PLXDC2: variants seen among roughly 807,000 people sequenced by gnomAD.
The protein encoded by PLXDC2 is plexin domain containing 2.
Under a neutral mutation model 68.9 loss-of-function variants are expected in PLXDC2, and 40 were observed. The observed-to-expected ratio is 0.58, with a 90% confidence interval of 0.45 to 0.76. The LOEUF is 0.76. Ranked by LOEUF, PLXDC2 falls within the 30% of genes least tolerant of loss-of-function variation. The pLI is 0.00. For synonymous variants in PLXDC2, 243 were observed against 234.2 expected (o/e 1.04, Z -0.34); for missense variants, 644 against 661.9 (o/e 0.97, Z 0.30).
Position 19,837,385 on chromosome 10 carries a change from T to TGAGA in PLXDC2, c.112+20216_112+20219dup, listed in dbSNP as rs149222127. On this transcript the variant is annotated intron_variant, in intron 1 of 13. Coordinates refer to ENST00000377252, the MANE Select transcript of PLXDC2 (RefSeq NM_032812.9). The stretch of plus-strand genomic sequence containing the variant: ...TTGCTCTGTTTTCTCATTGAGTAAG[T>TGAGA]GAGAGAGAGAGAGAGAGAGAGAGAG... Among the ~76,000 whole-genome samples, 275 of 139,270 alleles carry TGAGA rather than the reference T, an allele frequency of 2.0e-3. 6 individuals are homozygous for TGAGA. In the East Asian group the frequency reaches 0.039, roughly 20 times the overall value. 91.4% of individuals were successfully genotyped at this position (139,270 alleles called of 152,430 possible). A position where few individuals can be genotyped will look rare whatever the true frequency, so the allele number is the denominator to read the frequency against.
Position 20,287,979 on chromosome 10 carries a change from C to CCGG in PLXDC2, c.*8160_*8161insCGG, listed in dbSNP as rs1554781439. On this transcript the variant is annotated 3_prime_UTR_variant, in exon 14 of 14. Transcript: ENST00000377252. ...AGAAGAAATTGGGCACTTCTTGCGG[C>CCGG]GGGGGAGGGGGGGGGGGCGGTGGCT... is the stretch of plus-strand genomic sequence containing the variant. The CCGG allele has an allele frequency of 3.2e-4, 4 of 12,406 alleles. No individual in the cohort carries two copies. The highest frequency in any genetic ancestry group is 9.9e-4 in the African/African-American group (3 of 3,018). 0.8% of individuals were successfully genotyped at this position (12,406 alleles called of 1,614,324 possible).
chr10:19,940,412 A>G (rs1254537746), intron 1 of PLXDC2, among the ~76,000 whole-genome samples: 1 of 152,182 alleles, frequency 6.6e-6, no homozygotes, highest in Non-Finnish European at 1.5e-5. Flanking sequence ...ATTTGGCTAC[A>G]ATTAATTGAA....
At chr10:19,879,550 T>C (rs1425304296) in intron 1 of PLXDC2, among the ~76,000 whole-genome samples, 1 of 152,202 alleles carries the variant, frequency 6.6e-6, no homozygotes, top group African/African-American at 2.4e-5. Flanking sequence ...TGTTTAGTGA[T>C]TTATATATTA....
intron 2 of PLXDC2, among the ~76,000 whole-genome samples, chr10:20,029,201 T>A (rs540077264): frequency 1.3e-4 from 20 of 152,324 alleles, no homozygotes; most frequent in African/African-American, 4.6e-4. Context: ...GCTTATAGAC[T>A]GAGTCTTGTC....
intron 12 of PLXDC2, among the ~76,000 whole-genome samples, chr10:20,221,834 C>T (rs1473259456): frequency 6.6e-6 from 1 of 152,148 alleles, no homozygotes; most frequent in Non-Finnish European, 1.5e-5. Context: ...TTTTTAAAAA[C>T]ATGCAAGCTA....
intron 12 of PLXDC2, among the ~76,000 whole-genome samples, chr10:20,238,166 A>G (rs1835459005): frequency 6.7e-6 from 1 of 149,792 alleles, no homozygotes; most frequent in Non-Finnish European, 1.5e-5. Context: ...ATATGTATAT[A>G]CATATATATA....
At chr10:19,967,026 T>C (rs1414023906) in intron 1 of PLXDC2, among the ~76,000 whole-genome samples, 1 of 152,194 alleles carries the variant, frequency 6.6e-6, no homozygotes, top group Non-Finnish European at 1.5e-5. Context: ...GGCAACCTCA[T>C]GGCGAGACTT....
intron 9 of PLXDC2, among the ~76,000 whole-genome samples, chr10:20,200,972 A>G (rs1834909468): frequency 6.6e-6 from 1 of 152,082 alleles, no homozygotes; most frequent in African/African-American, 2.4e-5. Flanking sequence ...AACAGTATGG[A>G]AGTTCCTCAA....
intron 3 of PLXDC2, among the ~76,000 whole-genome samples, chr10:20,049,412 G>A (rs185830947): frequency 2.6e-5 from 4 of 152,206 alleles, no homozygotes; most frequent in African/African-American, 9.6e-5. Context: ...TAGAGAGGAA[G>A]TAAAACTATC....
chr10:20,243,544 G>A (rs1217019017), intron 12 of PLXDC2, among the ~76,000 whole-genome samples: 1 of 152,106 alleles, frequency 6.6e-6, no homozygotes, highest in Non-Finnish European at 1.5e-5. Flanking sequence ...AAACGTAGAG[G>A]GGAGGTGGAA....
chr10:20,129,326 C>T (rs910941366), intron 4 of PLXDC2, among the ~76,000 whole-genome samples: 3 of 151,918 alleles, frequency 2.0e-5, no homozygotes, highest in African/African-American at 7.2e-5. Flanking sequence ...AATTGGGTTG[C>T]TTTCTTGCTA....
chr10:19,934,558 G>C (rs1364786511), intron 1 of PLXDC2, among the ~76,000 whole-genome samples: 1 of 152,182 alleles, frequency 6.6e-6, no homozygotes, highest in African/African-American at 2.4e-5. Flanking sequence ...GGTAAGTCTT[G>C]TTAATAGTCT....
rs1350406806 is a variant in PLXDC2, at chr10:20,044,208, T to C, written c.325-2661T>C. Among the ~76,000 whole-genome samples, 189 of 94,966 alleles carry C rather than the reference T, an allele frequency of 2.0e-3. 6 individuals are homozygous for C. Among genetic ancestry groups the C allele is most frequent in the African/African-American group, 8.3e-3 (170 of 20,572 alleles). 62.3% of individuals were successfully genotyped at this position (94,966 alleles called of 152,430 possible). On this transcript the variant is annotated intron_variant, in intron 2 of 13. Transcript: ENST00000377252. The stretch of plus-strand genomic sequence containing the variant: ...TTCTTTCTTTCTCTCTCTCTCTCTC[T>C]CTGTCTTTCTTTCTTTCTTTCTTTC...
intron 1 of PLXDC2, among the ~76,000 whole-genome samples, chr10:19,837,007 GAA>G (rs1438438947): frequency 6.6e-6 from 1 of 152,042 alleles, no homozygotes; most frequent in Non-Finnish European, 1.5e-5. Context: ...TGCCTTTCAA[GAA>G]ATTTTTGGAA....
At chr10:19,848,405 A>C (rs754697360) in intron 1 of PLXDC2, among the ~76,000 whole-genome samples, 4 of 152,008 alleles carry the variant, frequency 2.6e-5, no homozygotes, top group Non-Finnish European at 5.9e-5. Flanking sequence ...CTTAAAAGAG[A>C]GGGACTCTAT....
At chr10:20,236,426 C>T (rs1835433092) in intron 12 of PLXDC2, among the ~76,000 whole-genome samples, 1 of 152,068 alleles carries the variant, frequency 6.6e-6, no homozygotes, top group Non-Finnish European at 1.5e-5. Context: ...GCCTGGGCCA[C>T]AGAGCGAGAC....
intron 2 of PLXDC2, among the ~76,000 whole-genome samples, chr10:20,032,211 A>G (rs1469846080): frequency 1.3e-5 from 2 of 152,332 alleles, no homozygotes; most frequent in Non-Finnish European, 2.9e-5. Context: ...AGAACAATTA[A>G]AACAGACTAA....
intron 1 of PLXDC2, among the ~76,000 whole-genome samples, chr10:19,830,560 A>G (rs1455568223): frequency 6.6e-6 from 1 of 151,696 alleles, no homozygotes; most frequent in Non-Finnish European, 1.5e-5. Context: ...TGGTAACAGC[A>G]CCCTCCCATT....
Position 20,077,912 on chromosome 10 carries a change from T to C in PLXDC2, c.541+9673T>C, listed in dbSNP as rs542575052. Among the ~76,000 whole-genome samples, 4 of 152,282 alleles carry C rather than the reference T, an allele frequency of 2.6e-5. No individual in the cohort carries two copies. The East Asian group carries it at 7.7e-4, about 29-fold the overall frequency. ...CTCTGAAAAAACATTTTTTTCTCTC[T>C]TGTTCTTCTTCTCCTCCTCCTTCTC... On this transcript the variant is annotated intron_variant, in intron 4 of 13. Coordinates refer to ENST00000377252, the MANE Select transcript of PLXDC2 (RefSeq NM_032812.9).
Sources: gnomAD v4.1 joint callset for allele counts (sites outside exome capture counted in the v4.1 genomes callset) on GRCh38, gnomAD v4.1.1 for gene constraint, MANE v1.5 for transcripts, NCBI Gene and HGNC (gene_info 2026-07-23, HGNC 2026-07-21) for gene names.